PROCA1: variants seen among roughly 807,000 people sequenced by gnomAD.
The protein encoded by PROCA1 is protein interacting with cyclin A1.
A neutral mutation model predicts 23.2 loss-of-function variants in PROCA1; 22 were observed. The observed-to-expected ratio is 0.95, with a 90% confidence interval of 0.68 to 1.35. The LOEUF is 1.35. Ranked by LOEUF, PROCA1 falls within the 40% of genes most tolerant of loss-of-function variation. The pLI, the probability that PROCA1 is intolerant of heterozygous loss-of-function variation, is 0.00. For synonymous variants in PROCA1, 182 were observed against 179.2 expected, an observed-to-expected ratio of 1.02 and a Z score of -0.12; for missense variants, 469 against 459.8, an observed-to-expected ratio of 1.02 and a Z score of -0.18.
At chr17:28,709,342 G>T (rs1208465565) in intron 1 of PROCA1, among the ~76,000 whole-genome samples, 2 of 151,238 alleles carry the variant, frequency 1.3e-5, no homozygotes, top group East Asian at 2.0e-4. Flanking sequence ...TGCAAGCTCC[G>T]CCTCCCGGGT....
At chr17:28,707,106 G>A (rs74726741) in intron 1 of PROCA1, 3,342 of 284,638 alleles carry the variant, frequency 0.012, 35 homozygotes, top group Non-Finnish European at 0.018. Context: ...CATCACTAGA[G>A]TTAGTGATGA....
intron 2 of PROCA1, chr17:28,706,370 T>C (rs1261648054): frequency 4.5e-6 from 1 of 222,604 alleles, no homozygotes; most frequent in Non-Finnish European, 9.4e-6. Context: ...TTTACTTCTC[T>C]GAGCCTTTAA....
At chr17:28,710,225 G>C (rs1056312228) in intron 1 of PROCA1, among the ~76,000 whole-genome samples, 1 of 151,938 alleles carries the variant, frequency 6.6e-6, no homozygotes, top group Non-Finnish European at 1.5e-5. Flanking sequence ...ATGGCCAGGC[G>C]CGGTGGCTCA....
intron 2 of PROCA1, chr17:28,705,093 T>C (rs890007652): frequency 4.5e-5 from 18 of 398,844 alleles, no homozygotes; most frequent in African/African-American, 3.5e-4. Flanking sequence ...GTTACTTCTG[T>C]CCTCTCCCTC....
Position 28,703,804 on chromosome 17 carries a change from T to C in PROCA1, c.849A>G (p.Ser283=). The part of the protein sequence containing the change: ...LEPSPPDVSR[S]LSARQLARMS... ...TCCTGGCCAGCTGTCTTGCGCTTAA[T>C]GATCGGCTCACGTCTGGCGGGGAAG... The change falls in exon 5 of 5, where the codon TCA becomes TCG. Residue 283 remains serine (S), a synonymous_variant. Coordinates refer to ENST00000682792, the MANE Select transcript of PROCA1 (RefSeq NM_001366301.1). The C allele has an allele frequency of 6.2e-7, 1 of 1,614,236 alleles. No homozygotes were observed. Among genetic ancestry groups the C allele is most frequent in the Non-Finnish European group, 8.5e-7 (1 of 1,180,044 alleles).
In PROCA1 at chr17:28,706,763, T is replaced by C. The variant is rs144816976; in HGVS notation, c.92A>G (p.Asp31Gly). 3.8e-6 allele frequency: 5 copies of C among 1,303,464 alleles called. No homozygotes were observed. Among genetic ancestry groups the C allele is most frequent in the African/African-American group, 1.5e-5 (1 of 65,734 alleles). 80.7% of individuals were successfully genotyped at this position (1,303,464 alleles called of 1,614,324 possible). The change falls in exon 2 of 5, where the codon GAT becomes GGT. Residue 31 changes from aspartate (D) to glycine (G), a missense_variant and splice_region_variant. Transcript: ENST00000682792. ...CTCCCAGCTGGGTAACCTGTTTACA[T>C]CTGAGAGAGCATAGAGTGGCAGTGG... The part of the protein sequence containing the change: ...ARSWDESRCR[D>G]VNRLPSWERG...
At chr17:28,708,048 C>T (rs2032604445) in intron 1 of PROCA1, among the ~76,000 whole-genome samples, 2 of 152,150 alleles carry the variant, frequency 1.3e-5, no homozygotes, top group African/African-American at 4.8e-5. Context: ...CTCGCTCTGT[C>T]GCCCAGGCTG....
At chr17:28,704,685 C>A (rs760918918) in intron 3 of PROCA1, 23 bp downstream of exon 3, 10 of 1,612,468 alleles carry the variant, frequency 6.2e-6, no homozygotes, top group Non-Finnish European at 8.5e-6. Flanking sequence ...TGCCATGGGT[C>A]CCCCAAGGGG....
chr17:28,705,694 C>G (rs2032439135), intron 2 of PROCA1: 1 of 152,714 alleles, frequency 6.5e-6, no homozygotes, highest in Admixed American at 6.5e-5. Flanking sequence ...CCCGGTCTAC[C>G]ACCACTGCCT....
chr17:28,706,464 C>G (rs554870076), intron 2 of PROCA1: 66 of 266,136 alleles, frequency 2.5e-4, no homozygotes, highest in Middle Eastern at 1.5e-3. Context: ...GTCAAAGATA[C>G]TTATGTGCCA....
At chr17:28,711,383 C>A in intron 1 of PROCA1, 187 bp downstream of exon 1, 1 of 581,368 alleles carries the variant, frequency 1.7e-6, no homozygotes, top group South Asian at 2.5e-5. Flanking sequence ...GCCCGCGGCT[C>A]GACGCGAGCC....
intron 1 of PROCA1, among the ~76,000 whole-genome samples, chr17:28,709,631 A>G (rs2032687155): frequency 6.6e-6 from 1 of 150,896 alleles, no homozygotes; most frequent in South Asian, 2.2e-4. Context: ...AGAGAGCCAC[A>G]GCACTCCAGC....
chr17:28,708,285 G>A (rs1021153904), intron 1 of PROCA1, among the ~76,000 whole-genome samples: 3 of 152,176 alleles, frequency 2.0e-5, no homozygotes, highest in Non-Finnish European at 2.9e-5. Flanking sequence ...GATTACAGGC[G>A]TGAGCCACTG....
chr17:28,710,190 A>G (rs2032712767), intron 1 of PROCA1, among the ~76,000 whole-genome samples: 1 of 151,650 alleles, frequency 6.6e-6, no homozygotes. Context: ...TTGCTGTTTC[A>G]GGAGCCACCA....
chr17:28,710,412 C>G (rs892531005), intron 1 of PROCA1, among the ~76,000 whole-genome samples: 3 of 148,546 alleles, frequency 2.0e-5, no homozygotes, highest in African/African-American at 5.0e-5. Context: ...GAGGCTGAGG[C>G]AGGAGAATTG....
rs199919141 is a variant in PROCA1 at position 28,704,073 on chromosome 17, C to T, written c.580G>A (p.Ala194Thr). Residue 194 changes from alanine (A) to threonine (T), a missense_variant, in exon 5 of 5, where the codon GCC becomes ACC. Ala to Thr is a moderately conservative substitution (Grantham distance 58, BLOSUM62 0). Coordinates refer to ENST00000682792, the MANE Select transcript of PROCA1 (RefSeq NM_001366301.1). ...GTGCCTAGGTCAGGGGAGGCGGTGG[C>T]GGGCCCCACCTGTGTCGGGATGGGG... ...KPPIPTQVGP[A>T]TASPDLGTSM... The T allele has an allele frequency of 1.0e-3, 1,663 of 1,595,070 alleles. 3 individuals are homozygous for T. Among genetic ancestry groups the T allele is most frequent in the South Asian group, 1.2e-3 (106 of 88,180 alleles).
chr17:28,710,640 G>T (rs1357074644), intron 1 of PROCA1, among the ~76,000 whole-genome samples: 1 of 152,152 alleles, frequency 6.6e-6, no homozygotes, highest in African/African-American at 2.4e-5. Context: ...GGACAAAGGG[G>T]GAGACGAATT....
chr17:28,705,517 C>A (rs748073700), intron 2 of PROCA1: 10 of 152,632 alleles, frequency 6.6e-5, no homozygotes, highest in Non-Finnish European at 1.3e-4. Flanking sequence ...TTCGAATGAC[C>A]CACCCCCAGC....
At position 28,703,755 on chromosome 17, in the gene PROCA1, G is replaced by A. The variant is rs771980693; in HGVS notation, c.898C>T (p.Arg300Trp). Residue 300 changes from arginine (R) to tryptophan (W), a missense_variant, in exon 5 of 5, where the codon CGG (arginine) becomes TGG (tryptophan). Arg to Trp is a moderately radical substitution (Grantham distance 101). Transcript: ENST00000682792. Reference sequence around the variant, plus strand: ...CTGTCCTCGCTCTCCAGCTCTTCCCGGCTTTCTGGGCTGGACTCGGACATC... The same window carrying A: ...CTGTCCTCGCTCTCCAGCTCTTCCCAGCTTTCTGGGCTGGACTCGGACATC... ...ARMSESSPES[R>W]EELESEDSYN... The A allele has an allele frequency of 2.7e-5, 43 of 1,613,948 alleles. No individual in the cohort carries two copies. Among genetic ancestry groups the A allele is most frequent in the Middle Eastern group, 1.6e-4 (1 of 6,084 alleles).
Sources: allele counts gnomAD v4.1 joint callset (sites outside exome capture counted in the v4.1 genomes callset), GRCh38; gene constraint gnomAD v4.1.1; transcripts MANE v1.5; gene names NCBI Gene and HGNC (gene_info 2026-07-23, HGNC 2026-07-21).